The following KALRN variants were observed in gnomAD, a reference collection of about 807,000 sequenced individuals.
The protein encoded by KALRN is kalirin.
In KALRN, 70 loss-of-function variants were observed where a neutral mutation model predicts 353.7. That is an observed-to-expected ratio of 0.20 (90% CI 0.16 to 0.24). KALRN has a LOEUF of 0.24. KALRN is among the 10% of genes least tolerant of loss of function. The probability of loss-of-function intolerance (pLI) is 1.00; values close to 1 mark genes in which losing one functional copy is unlikely to be tolerated. For synonymous variants in KALRN, 1,391 were observed against 1,434.8 expected (o/e 0.97, Z 0.69); for missense variants, 2,791 against 3,756.7 (o/e 0.74, Z 6.72).
chr3:124,112,788 G>A (rs183358658), intron 1 of KALRN, among the ~76,000 whole-genome samples: 24 of 152,258 alleles, frequency 1.6e-4, no homozygotes, highest in Admixed American at 3.3e-4. Context: ...TTGAAAGTAG[G>A]CATGGGGTGA....
At chr3:124,063,876 A>G (rs2042154162) in intron 1 of KALRN, among the ~76,000 whole-genome samples, 2 of 152,176 alleles carry the variant, frequency 1.3e-5, no homozygotes, top group African/African-American at 2.4e-5. Flanking sequence ...AGCCTTTAGG[A>G]GACGTGGTTC....
chr3:124,336,178 T>C (rs1166460958), intron 9 of KALRN, among the ~76,000 whole-genome samples: 1 of 152,078 alleles, frequency 6.6e-6, no homozygotes, highest in Non-Finnish European at 1.5e-5. Flanking sequence ...GGAGCATCAG[T>C]TGAGTTATCA....
In KALRN at chr3:124,152,105, C is replaced by T. The variant is rs571215206; in HGVS notation, c.74-75885C>T. ...CAGGAAGTTATTTGCTTCTTTGAAG[C>T]GTTTTCCAACATTATAGATCTCATG... is the stretch of plus-strand genomic sequence containing the variant. On this transcript the variant is annotated intron_variant, in intron 1 of 59. Transcript: ENST00000682506. 458 of 1,257,420 alleles carry T rather than the reference C, an allele frequency of 3.6e-4. 1 individual carries two copies. Among genetic ancestry groups the T allele is most frequent in the Non-Finnish European group, 2.7e-4 (239 of 871,008 alleles). The allele number at this position is 1,257,420 out of a possible 1,614,324, so 77.9% of individuals were successfully genotyped here. A position where few individuals can be genotyped will look rare whatever the true frequency, so the allele number is the denominator to read the frequency against.
chr3:124,219,178 C>G (rs1157081891), intron 1 of KALRN, among the ~76,000 whole-genome samples: 2 of 152,200 alleles, frequency 1.3e-5, no homozygotes, highest in Non-Finnish European at 2.9e-5. Context: ...GTACCAAGCA[C>G]TAAAGTCATT....
At chr3:124,408,553 C>G (rs1164919310) in intron 13 of KALRN, among the ~76,000 whole-genome samples, 1 of 152,142 alleles carries the variant, frequency 6.6e-6, no homozygotes, top group African/African-American at 2.4e-5. Flanking sequence ...CATTGCCTGC[C>G]CCATAATAAA....
rs577423284 is a variant in KALRN at position 124,723,920 on chromosome 3, A to T, written c.*4450A>T. 6 of 152,322 alleles carry T rather than the reference A, an allele frequency of 3.9e-5. No individual in the cohort carries two copies. The South Asian group carries it at 1.2e-3, about 32-fold the overall frequency. The allele number at this position is 152,322 out of a possible 1,614,324, so 9.4% of individuals were successfully genotyped here. On this transcript the variant is annotated 3_prime_UTR_variant, in exon 60 of 60. Coordinates refer to ENST00000682506, the MANE Select transcript of KALRN (RefSeq NM_001388419.1). Reference sequence around the variant, plus strand: ...GAAGAAAATATCTTCTCATACCACAATTTATTTTTCACAGCCTCACAGGAA... The same window carrying T: ...GAAGAAAATATCTTCTCATACCACATTTTATTTTTCACAGCCTCACAGGAA...
At chr3:124,338,413 C>A (rs1177368862) in intron 9 of KALRN, among the ~76,000 whole-genome samples, 1 of 152,174 alleles carries the variant, frequency 6.6e-6, no homozygotes, top group Non-Finnish European at 1.5e-5. Flanking sequence ...CATTCAGGAG[C>A]AGGTTGCTCA....
chr3:124,622,376 G>C (rs2079378518), intron 34 of KALRN, among the ~76,000 whole-genome samples: 1 of 152,142 alleles, frequency 6.6e-6, no homozygotes, highest in Non-Finnish European at 1.5e-5. Context: ...TGGAGCAACT[G>C]GACCCCATTG....
chr3:124,442,959 G>C (rs2093714763), intron 19 of KALRN, among the ~76,000 whole-genome samples: 1 of 151,762 alleles, frequency 6.6e-6, no homozygotes, highest in Admixed American at 6.6e-5. Context: ...CTCCAGCCTG[G>C]GCAATAGAGT....
intron 51 of KALRN, among the ~76,000 whole-genome samples, chr3:124,691,351 C>T (rs1366946570): frequency 6.6e-6 from 1 of 152,128 alleles, no homozygotes; most frequent in African/African-American, 2.4e-5. Context: ...TCACTTGAAC[C>T]GGGGAGGCGG....
intron 37 of KALRN, among the ~76,000 whole-genome samples, chr3:124,640,326 G>A (rs1411655419): frequency 4.4e-5 from 6 of 134,904 alleles, no homozygotes; most frequent in South Asian, 2.3e-4. Flanking sequence ...TCACTCTGTC[G>A]CCCAGGCTGG....
intron 48 of KALRN, among the ~76,000 whole-genome samples, chr3:124,673,002 T>C (rs548897941): frequency 3.9e-5 from 6 of 152,352 alleles, no homozygotes; most frequent in African/African-American, 1.4e-4. Flanking sequence ...ACCACACTGA[T>C]TTGTTCCGTC....
chr3:124,693,270 C>T (rs2061907692), intron 51 of KALRN, among the ~76,000 whole-genome samples: 1 of 152,038 alleles, frequency 6.6e-6, no homozygotes, highest in African/African-American at 2.4e-5. Flanking sequence ...TGTTGTTTAG[C>T]TGCTTGAAGA....
chr3:124,700,450 A>C (rs2062267644), intron 56 of KALRN, among the ~76,000 whole-genome samples: 1 of 152,190 alleles, frequency 6.6e-6, no homozygotes, highest in African/African-American at 2.4e-5. Context: ...GAAGGACTTC[A>C]TTACAACATG....
At position 124,697,850 on chromosome 3, in the gene KALRN, C is replaced by T. The variant is rs987002761; in HGVS notation, c.7831+126C>T. ...ATTTTTTCAAAAATTTGAATAGAGA[C>T]AGGCTATTGCTATATTGCCCAGGCT... On this transcript the variant is annotated intron_variant, in intron 55 of 59. Transcript: ENST00000682506. The T allele has an allele frequency of 3.0e-4, 289 of 972,198 alleles. 2 individuals are homozygous for T. The highest frequency in any genetic ancestry group is 2.4e-3 in the African/African-American group (142 of 60,294). The allele number at this position is 972,198 out of a possible 1,614,324, so 60.2% of individuals were successfully genotyped here. A position where few individuals can be genotyped will look rare whatever the true frequency, so the allele number is the denominator to read the frequency against.
At chr3:124,336,014 T>C (rs2081098647) in intron 9 of KALRN, among the ~76,000 whole-genome samples, 1 of 151,604 alleles carries the variant, frequency 6.6e-6, no homozygotes, top group Admixed American at 6.6e-5. Context: ...TCAGGCAGAG[T>C]GGAGGGAGAG....
At chr3:124,629,302 T>C (rs2080465388) in intron 34 of KALRN, among the ~76,000 whole-genome samples, 1 of 152,162 alleles carries the variant, frequency 6.6e-6, no homozygotes, top group Non-Finnish European at 1.5e-5. Flanking sequence ...CTAGTGTGGT[T>C]TTCTGGGCTC....
rs2063415548 is a variant in KALRN at position 124,726,116 on chromosome 3, T to C, written c.*6646T>C. 1 of 152,246 alleles carries C rather than the reference T, an allele frequency of 6.6e-6. No homozygotes were observed. The highest frequency in any genetic ancestry group is 2.1e-4 in the South Asian group (1 of 4,834). The allele number at this position is 152,246 out of a possible 1,614,324, so 9.4% of individuals were successfully genotyped here. A position where few individuals can be genotyped will look rare whatever the true frequency, so the allele number is the denominator to read the frequency against. On this transcript the variant is annotated 3_prime_UTR_variant, in exon 60 of 60. Transcript: ENST00000682506. Reference sequence around the variant, plus strand: ...TATTATTTTTAAATTTTTCTGCTGTTGTTCATTTTGTATGCACACAATGTC... The same window carrying C: ...TATTATTTTTAAATTTTTCTGCTGTCGTTCATTTTGTATGCACACAATGTC...
chr3:124,532,236 A>G (rs1366790864), intron 33 of KALRN, among the ~76,000 whole-genome samples: 4 of 152,232 alleles, frequency 2.6e-5, no homozygotes, highest in Admixed American at 6.5e-5. Flanking sequence ...CACATATGTC[A>G]TGTCACCTCT....
Sources: gnomAD v4.1 joint callset for allele counts (sites outside exome capture counted in the v4.1 genomes callset) on GRCh38, gnomAD v4.1.1 for gene constraint, MANE v1.5 for transcripts, NCBI Gene and HGNC (gene_info 2026-07-23, HGNC 2026-07-21) for gene names.